Variants in NRXN3 observed in about 807,000 individuals in gnomAD.
NRXN3 encodes neurexin 3, also known as neurexin III.
In NRXN3, 32 loss-of-function variants were observed where a neutral mutation model predicts 137.6. The ratio of observed to expected loss-of-function variants is 0.23; its 90% CI spans 0.18 to 0.31. NRXN3 has a LOEUF of 0.31. NRXN3 is among the 10% of genes least tolerant of loss of function. The pLI is 1.00. For missense variants in NRXN3, 1,574 were observed against 2,062.5 expected (o/e 0.76, Z 4.59); for synonymous variants, 798 against 784.5 (o/e 1.02, Z -0.29).
At chr14:78,449,458 C>T (rs893703385) in intron 4 of NRXN3, among the ~76,000 whole-genome samples, 3 of 152,240 alleles carry the variant, frequency 2.0e-5, no homozygotes, top group African/African-American at 7.2e-5. Flanking sequence ...AAGTGATCCA[C>T]CTGCCTTGGC....
intron 15 of NRXN3, among the ~76,000 whole-genome samples, chr14:79,003,544 A>G (rs1003331362): frequency 6.6e-6 from 1 of 152,162 alleles, no homozygotes; most frequent in South Asian, 2.1e-4. Flanking sequence ...TTAACATGAA[A>G]CGTGAGACCA....
At chr14:78,673,596 A>C (rs2097961130) in intron 6 of NRXN3, among the ~76,000 whole-genome samples, 1 of 152,204 alleles carries the variant, frequency 6.6e-6, no homozygotes, top group Admixed American at 6.5e-5. Flanking sequence ...AACAACAAAC[A>C]TTTATTTCTC....
At chr14:79,212,279 C>T (rs2067786475) in intron 15 of NRXN3, among the ~76,000 whole-genome samples, 1 of 152,166 alleles carries the variant, frequency 6.6e-6, no homozygotes, top group African/African-American at 2.4e-5. Flanking sequence ...GGACAAATCC[C>T]CTTGTCTGTG....
chr14:79,509,522 AT>A (rs750163472), intron 16 of NRXN3, among the ~76,000 whole-genome samples: 31 of 133,498 alleles, frequency 2.3e-4, no homozygotes, highest in Non-Finnish European at 4.3e-4. Context: ...TCTCAAAAAA[AT>A]ATATATATAT....
intron 3 of NRXN3, among the ~76,000 whole-genome samples, chr14:78,292,955 T>G (rs2075955787): frequency 6.6e-6 from 1 of 152,186 alleles, no homozygotes; most frequent in Non-Finnish European, 1.5e-5. Flanking sequence ...AGAAGGTCCA[T>G]CTTCATTTTT....
intron 15 of NRXN3, among the ~76,000 whole-genome samples, chr14:79,409,819 A>G (rs2095387417): frequency 6.6e-6 from 1 of 151,496 alleles, no homozygotes; most frequent in African/African-American, 2.4e-5. Flanking sequence ...CTTTCTTACT[A>G]CAATGGCCCA....
intron 16 of NRXN3, among the ~76,000 whole-genome samples, chr14:79,573,887 T>C (rs1201190289): frequency 6.6e-6 from 1 of 152,134 alleles, no homozygotes; most frequent in African/African-American, 2.4e-5. Flanking sequence ...GTTGCAATTT[T>C]TATTGTGATA....
intron 16 of NRXN3, among the ~76,000 whole-genome samples, chr14:79,519,219 G>A (rs760344958): frequency 4.6e-5 from 7 of 152,018 alleles, no homozygotes; most frequent in Admixed American, 6.6e-5. Context: ...TTTGCACAGA[G>A]TTAGCCAAGA....
chr14:78,624,285 G>A (rs1236453179), intron 4 of NRXN3, among the ~76,000 whole-genome samples: 1 of 152,234 alleles, frequency 6.6e-6, no homozygotes, highest in South Asian at 2.1e-4. Context: ...AAATTTCACA[G>A]TTATGTCTTG....
chr14:78,640,154 G>A (rs1475192873), intron 4 of NRXN3, among the ~76,000 whole-genome samples: 2 of 152,072 alleles, frequency 1.3e-5, no homozygotes, highest in African/African-American at 2.4e-5. Flanking sequence ...GCCTCTCTTA[G>A]GTTGTTCTGC....
chr14:79,027,712 G>A (rs1031274258), intron 15 of NRXN3, among the ~76,000 whole-genome samples: 1 of 152,038 alleles, frequency 6.6e-6, no homozygotes, highest in African/African-American at 2.4e-5. Context: ...AAAGGATGTT[G>A]TTACCAAGTT....
At position 78,431,194 on chromosome 14, in the gene NRXN3, G is replaced by T. The variant is rs72681544; in HGVS notation, c.757+133334G>T. ...GTGTGGTTCCCTCTTTATTACCAGAGGGTACATAGGAGATTCTGCATTCAT... is the reference window on the plus strand; with the variant it reads ...GTGTGGTTCCCTCTTTATTACCAGATGGTACATAGGAGATTCTGCATTCAT... On this transcript the variant is annotated intron_variant, in intron 4 of 20. Coordinates refer to ENST00000335750, the MANE Select transcript of NRXN3 (RefSeq NM_001330195.2). Among the ~76,000 whole-genome samples, 853 of 152,258 alleles carry T rather than the reference G, an allele frequency of 5.6e-3. 4 individuals carry two copies. The highest frequency in any genetic ancestry group is 0.024 in the Middle Eastern group (7 of 294).
At chr14:79,115,134 T>A (rs150508327) in intron 15 of NRXN3, among the ~76,000 whole-genome samples, 2 of 152,166 alleles carry the variant, frequency 1.3e-5, no homozygotes, top group East Asian at 3.9e-4. Context: ...GAGACCAGCC[T>A]GACCAACATG....
chr14:78,528,373 A>G (rs2096410984), intron 4 of NRXN3, among the ~76,000 whole-genome samples: 1 of 152,112 alleles, frequency 6.6e-6, no homozygotes, highest in East Asian at 1.9e-4. Flanking sequence ...GAATTGCTTT[A>G]CATCTCCACA....
At chr14:78,806,927 T>C (rs1055543344) in intron 9 of NRXN3, among the ~76,000 whole-genome samples, 3 of 152,236 alleles carry the variant, frequency 2.0e-5, no homozygotes, top group Non-Finnish European at 2.9e-5. Flanking sequence ...GTTTTTATGC[T>C]TACTTTTACA....
intron 1 of NRXN3, among the ~76,000 whole-genome samples, chr14:78,220,219 G>T (rs944437592): frequency 3.2e-4 from 49 of 152,148 alleles, no homozygotes; most frequent in African/African-American, 1.1e-3. Flanking sequence ...GGGCATCCAG[G>T]ACTAAGAGGG....
intron 4 of NRXN3, among the ~76,000 whole-genome samples, chr14:78,553,889 G>A (rs1025838177): frequency 2.7e-4 from 41 of 152,202 alleles, no homozygotes; most frequent in African/African-American, 9.4e-4. Context: ...AGGTGGAGGG[G>A]CAGGGGAAGG....
chr14:79,569,748 A>G (rs2097582318), intron 16 of NRXN3, among the ~76,000 whole-genome samples: 1 of 151,908 alleles, frequency 6.6e-6, no homozygotes, highest in South Asian at 2.1e-4. Context: ...AGCTGGGATT[A>G]CAGGTGCCCG....
chr14:78,243,234 A>C lies in NRXN3; in HGVS notation c.141A>C (p.Thr47=). The C allele has an allele frequency of 2.6e-6, 4 of 1,552,726 alleles. 1 individual carries two copies. In the South Asian group the frequency reaches 4.7e-5, roughly 18 times the overall value. The stretch of plus-strand genomic sequence containing the variant: ...GCTACCTCCGCTGGGATGCCAGCAC[A>C]CGCAGTGACCTGAGTTTCCAGTTCA... ...WARYLRWDAS[T]RSDLSFQFKT... Residue 47 remains threonine, a synonymous_variant, in exon 2 of 21, where the codon ACA becomes ACC. Coordinates refer to ENST00000335750, the MANE Select transcript of NRXN3 (RefSeq NM_001330195.2). The surrounding 1 kb of genome is among the most constrained non-coding windows in gnomAD (Gnocchi z 4.2).
Sources: gnomAD v4.1 joint callset for allele counts (sites outside exome capture counted in the v4.1 genomes callset) on GRCh38, gnomAD v4.1.1 for gene constraint, Gnocchi (gnomAD v3.1) non-coding constraint, MANE v1.5 for transcripts, NCBI Gene and HGNC (gene_info 2026-07-23, HGNC 2026-07-21) for gene names.